Variants in CNTNAP2 observed in about 807,000 individuals in gnomAD.
CNTNAP2 encodes contactin-associated protein-like 2.
Under a neutral mutation model 155.2 loss-of-function variants are expected in CNTNAP2, and 98 were observed. That is an observed-to-expected ratio of 0.63 (90% confidence interval 0.54 to 0.75). The LOEUF is 0.75. Among genes scored for constraint, CNTNAP2 ranks in the 30% least tolerant of loss-of-function variants. CNTNAP2 has a pLI of 0.00. For missense variants in CNTNAP2, 1,727 were observed against 1,688.1 expected (o/e 1.02, Z -0.40); for synonymous variants, 651 against 631.2 (o/e 1.03, Z -0.47).
intron 3 of CNTNAP2, among the ~76,000 whole-genome samples, chr7:146,993,758 C>A (rs1253465374): frequency 2.0e-5 from 3 of 151,990 alleles, no homozygotes; most frequent in African/African-American, 4.8e-5. Context: ...TTTTTTAATA[C>A]CTTATTAAAG....
chr7:146,312,518 A>G (rs1456055362), intron 1 of CNTNAP2, among the ~76,000 whole-genome samples: 1 of 152,228 alleles, frequency 6.6e-6, no homozygotes, highest in East Asian at 1.9e-4. Context: ...CATTATAGAA[A>G]GTTTCAGTCA....
intron 15 of CNTNAP2, among the ~76,000 whole-genome samples, chr7:148,109,868 G>A (rs865882959): frequency 6.6e-6 from 1 of 152,138 alleles, no homozygotes; most frequent in East Asian, 1.9e-4. Context: ...TTCCTCTGGA[G>A]CCTCAGTAAA....
rs1423790552 is a variant in CNTNAP2, at chr7:146,443,231, A to T, written c.97+326258A>T. The stretch of plus-strand genomic sequence containing the variant: ...TCCGTCTCTAAATAAATAAATAAAT[A>T]ATAAATAAATAAATAAATAAATAAA... On this transcript the variant is annotated intron_variant, in intron 1 of 23. Coordinates refer to ENST00000361727, the MANE Select transcript of CNTNAP2 (RefSeq NM_014141.6). Among the ~76,000 whole-genome samples the T allele has an allele frequency of 5.7e-5, 3 of 52,694 alleles. No individual in the cohort carries two copies. In the African/African-American group the frequency reaches 6.7e-4, roughly 12 times the overall value. 34.6% of individuals were successfully genotyped at this position (52,694 alleles called of 152,430 possible).
At chr7:148,049,270 A>AT (rs1281533700) in intron 15 of CNTNAP2, among the ~76,000 whole-genome samples, 2 of 152,214 alleles carry the variant, frequency 1.3e-5, no homozygotes, top group African/African-American at 4.8e-5. Context: ...AAGCTAACTT[A>AT]TTACATTTTT....
chr7:148,366,124 A>G lies in CNTNAP2; in HGVS notation c.3476-17525A>G, dbSNP rs1162123266. Among the ~76,000 whole-genome samples, 24 of 15,646 alleles carry G rather than the reference A, an allele frequency of 1.5e-3. 12 individuals carry two copies. Among genetic ancestry groups the G allele is most frequent in the African/African-American group, 4.5e-3 (22 of 4,942 alleles). The allele number at this position is 15,646 out of a possible 152,430, so 10.3% of individuals were successfully genotyped here. ...TGTATGCATGTATGCATGTATGTGT[A>G]TGCATGTATGCATGTATGTGTATGC... On this transcript the variant is annotated intron_variant, in intron 21 of 23. Transcript: ENST00000361727.
At chr7:147,098,963 T>C (rs1006488671) in intron 4 of CNTNAP2, among the ~76,000 whole-genome samples, 2 of 152,132 alleles carry the variant, frequency 1.3e-5, no homozygotes, top group African/African-American at 4.8e-5. Context: ...TTTATTACTG[T>C]GGCAGGCCAT....
chr7:146,855,970 T>C (rs1219930760), intron 3 of CNTNAP2, among the ~76,000 whole-genome samples: 2 of 151,248 alleles, frequency 1.3e-5, no homozygotes, highest in African/African-American at 4.9e-5. Flanking sequence ...ACAATTATCA[T>C]CTAAAAGAAA....
At chr7:147,188,588 G>A (rs562873497) in intron 8 of CNTNAP2, among the ~76,000 whole-genome samples, 7 of 152,242 alleles carry the variant, frequency 4.6e-5, no homozygotes, top group African/African-American at 7.2e-5. Context: ...GTCTGACAGC[G>A]GAAGCTTTTG....
chr7:148,269,980 C>T (rs1368289275), intron 21 of CNTNAP2, among the ~76,000 whole-genome samples: 2 of 152,164 alleles, frequency 1.3e-5, no homozygotes, highest in African/African-American at 2.4e-5. Flanking sequence ...TATAAACATA[C>T]CCGAAAATAA....
intron 12 of CNTNAP2, among the ~76,000 whole-genome samples, chr7:147,572,633 AC>A (rs1800317461): frequency 6.6e-6 from 1 of 151,844 alleles, no homozygotes; most frequent in Non-Finnish European, 1.5e-5. Flanking sequence ...TTGTTTGATT[AC>A]CTCTGGCACT....
At chr7:146,433,473 T>C (rs1037180014) in intron 1 of CNTNAP2, among the ~76,000 whole-genome samples, 2 of 152,104 alleles carry the variant, frequency 1.3e-5, no homozygotes, top group African/African-American at 4.8e-5. Flanking sequence ...AAAATACACA[T>C]TGACAAAGGC....
rs1265672675 is a variant in CNTNAP2, at chr7:146,931,965, A to C, written c.402+92061A>C. Among the ~76,000 whole-genome samples, 20 of 151,980 alleles carry C rather than the reference A, an allele frequency of 1.3e-4. No homozygotes were observed. The East Asian group carries it at 3.9e-3, about 30-fold the overall frequency. ...AATCAATAGCTTACCAACCAAAAAG[A>C]GTCCAGGACCAGATGGATTCACAGC... On this transcript the variant is annotated intron_variant, in intron 3 of 23. Transcript: ENST00000361727.
chr7:147,495,788 GA>G (rs1265068361), intron 11 of CNTNAP2, among the ~76,000 whole-genome samples: 1 of 152,082 alleles, frequency 6.6e-6, no homozygotes, highest in Non-Finnish European at 1.5e-5. Context: ...ATTAGAACAG[GA>G]GTCCCCAATC....
chr7:147,418,068 C>A (rs540148268), intron 10 of CNTNAP2, among the ~76,000 whole-genome samples: 1 of 152,142 alleles, frequency 6.6e-6, no homozygotes, highest in South Asian at 2.1e-4. Flanking sequence ...TACAATCATA[C>A]AATAACAATT....
intron 1 of CNTNAP2, among the ~76,000 whole-genome samples, chr7:146,608,430 G>A (rs1425271880): frequency 2.6e-5 from 4 of 152,170 alleles, no homozygotes; most frequent in Non-Finnish European, 5.9e-5. Flanking sequence ...ATGAAAATAT[G>A]TGTGAGTAAG....
At chr7:147,868,870 A>G (rs951151802) in intron 13 of CNTNAP2, among the ~76,000 whole-genome samples, 1 of 152,208 alleles carries the variant, frequency 6.6e-6, no homozygotes, top group Admixed American at 6.5e-5. Flanking sequence ...TTCCAGGTAC[A>G]GTCTGTCACG....
chr7:146,931,068 G>A (rs1796745475), intron 3 of CNTNAP2, among the ~76,000 whole-genome samples: 1 of 151,812 alleles, frequency 6.6e-6, no homozygotes, highest in South Asian at 2.1e-4. Context: ...ATTGAACTCA[G>A]CTCTGCACCA....
At chr7:148,333,464 G>A (rs1798066992) in intron 21 of CNTNAP2, among the ~76,000 whole-genome samples, 2 of 152,022 alleles carry the variant, frequency 1.3e-5, no homozygotes. Flanking sequence ...TTTAGGTGAA[G>A]TTAATTGACT....
intron 12 of CNTNAP2, among the ~76,000 whole-genome samples, chr7:147,566,361 G>A (rs1563000349): frequency 8.1e-6 from 1 of 123,264 alleles, no homozygotes; most frequent in Non-Finnish European, 1.7e-5. Flanking sequence ...GAAGGGGGAG[G>A]GGGAAGGGGA....
Sources: allele counts gnomAD v4.1 joint callset (sites outside exome capture counted in the v4.1 genomes callset), GRCh38; gene constraint gnomAD v4.1.1; transcripts MANE v1.5; gene names NCBI Gene and HGNC (gene_info 2026-07-23, HGNC 2026-07-21).